The following TRERF1 variants were observed in gnomAD, a reference collection of about 807,000 sequenced individuals.
TRERF1 encodes transcriptional regulating factor 1.
TRERF1 carries 27 observed loss-of-function variants against 122.9 expected under a neutral mutation model. The ratio of observed to expected loss-of-function variants is 0.22; its 90% CI spans 0.16 to 0.30. TRERF1 has a LOEUF of 0.30. Among genes scored for constraint, TRERF1 ranks in the 10% least tolerant of loss-of-function variants. The pLI, the probability that TRERF1 is intolerant of heterozygous loss-of-function variation, is 1.00. For synonymous variants in TRERF1, 636 were observed against 641.7 expected (o/e 0.99, Z 0.13); for missense variants, 1,248 against 1,560.3 (o/e 0.80, Z 3.37).
intron 2 of TRERF1, among the ~76,000 whole-genome samples, chr6:42,435,464 T>A (rs1374205449): frequency 1.3e-5 from 2 of 151,954 alleles, no homozygotes; most frequent in Non-Finnish European, 2.9e-5. Flanking sequence ...GGCAGGAGGA[T>A]TGCTTGAGCC....
At chr6:42,329,847 G>A (rs1252649445) in intron 3 of TRERF1, among the ~76,000 whole-genome samples, 13 of 151,924 alleles carry the variant, frequency 8.6e-5, no homozygotes, top group South Asian at 6.2e-4. Context: ...AAAATTAGCC[G>A]GGCGTGGTGG....
intron 3 of TRERF1, among the ~76,000 whole-genome samples, chr6:42,353,021 G>C (rs954491120): frequency 2.0e-5 from 3 of 152,188 alleles, no homozygotes; most frequent in Non-Finnish European, 4.4e-5. Context: ...GCTTTCCCAG[G>C]CAGGGTGCAG....
At chr6:42,257,296 G>A (rs1008422018) in intron 10 of TRERF1, among the ~76,000 whole-genome samples, 194 bp from the exon 11 acceptor site, 1 of 152,196 alleles carries the variant, frequency 6.6e-6, no homozygotes, top group Non-Finnish European at 1.5e-5. Context: ...TAAGATTAGG[G>A]AGAAATATTT....
chr6:42,232,617 C>T lies in TRERF1; in HGVS notation c.3278+64G>A, dbSNP rs1170671499. The T allele has an allele frequency of 6.7e-7, 1 of 1,486,160 alleles. No homozygotes were observed. The highest frequency in any genetic ancestry group is 9.0e-7 in the Non-Finnish European group (1 of 1,114,400). 92.1% of individuals were successfully genotyped at this position (1,486,160 alleles called of 1,614,324 possible). ...TGAAGAAACCTCAGGCCATCCTGGC[C>T]CAGCTCCCATAGAGCGACTACCCAT... On this transcript the variant is annotated intron_variant, in intron 17 of 17. Transcript: ENST00000372922. This position sits in a 1 kb window ranked among gnomAD's most constrained non-coding sequence, Gnocchi z 4.5.
At chr6:42,309,092 G>T (rs929085032) in intron 3 of TRERF1, among the ~76,000 whole-genome samples, 1 of 152,150 alleles carries the variant, frequency 6.6e-6, no homozygotes, top group Non-Finnish European at 1.5e-5. Context: ...GCTGGGCCCA[G>T]GGACCTATTT....
Position 42,277,867 on chromosome 6 carries a change from GGAA to G in TRERF1, c.-258-8022_-258-8020del, listed in dbSNP as rs200834268. The stretch of plus-strand genomic sequence containing the variant: ...AATAAGAAGAAGAAAGAAGGAAGAA[GGAA>G]GAAGAAGGAAGAAGGAAGAAGGAAG... On this transcript the variant is annotated intron_variant, in intron 4 of 17. Coordinates refer to ENST00000372922, the Ensembl canonical transcript of TRERF1. Among the ~76,000 whole-genome samples, 48 of 135,798 alleles carry G rather than the reference GGAA, an allele frequency of 3.5e-4. 2 individuals are homozygous for G. The highest frequency in any genetic ancestry group is 6.4e-4 in the African/African-American group (22 of 34,252). The allele number at this position is 135,798 out of a possible 152,430, so 89.1% of individuals were successfully genotyped here. A position where few individuals can be genotyped will look rare whatever the true frequency, so the allele number is the denominator to read the frequency against.
chr6:42,399,321 CA>C, intron 2 of TRERF1, among the ~76,000 whole-genome samples: 1 of 152,132 alleles, frequency 6.6e-6, no homozygotes, highest in Non-Finnish European at 1.5e-5. Flanking sequence ...CCTTTACAGA[CA>C]AAAACATACT....
intron 2 of TRERF1, among the ~76,000 whole-genome samples, chr6:42,392,856 C>T (rs1011597391): frequency 3.3e-5 from 5 of 151,960 alleles, no homozygotes; most frequent in African/African-American, 1.2e-4. Flanking sequence ...CAAATGAGTA[C>T]ACTGGAGATG....
chr6:42,436,814 A>AATATATATATATATAT (rs56057543), intron 2 of TRERF1, among the ~76,000 whole-genome samples: 6 of 66,684 alleles, frequency 9.0e-5, no homozygotes, highest in Non-Finnish European at 1.6e-4. Context: ...AAAAAAAAAA[A>AATATATATATATATAT]ATATATATAT....
intron 2 of TRERF1, among the ~76,000 whole-genome samples, chr6:42,415,244 C>G (rs1781670641): frequency 6.6e-6 from 1 of 151,920 alleles, no homozygotes; most frequent in Non-Finnish European, 1.5e-5. Flanking sequence ...AATTAATGAC[C>G]CTTTTTATTT....
In TRERF1 at chr6:42,269,612, C is replaced by T. The variant is rs746596050; in HGVS notation, c.-22G>A. ...CCATGCTGTCTGCCTTGGTTGTGAACGTCCAGCCACAAAACCATAAAAAAG... is the reference window on the plus strand; with the variant it reads ...CCATGCTGTCTGCCTTGGTTGTGAATGTCCAGCCACAAAACCATAAAAAAG... On this transcript the variant is annotated 5_prime_UTR_variant, in exon 5 of 18. Transcript: ENST00000372922. The surrounding 1 kb of genome is among the most constrained non-coding windows in gnomAD (Gnocchi z 4.9). 14 of 1,603,666 alleles carry T rather than the reference C, an allele frequency of 8.7e-6. No homozygotes were observed. Among genetic ancestry groups the T allele is most frequent in the South Asian group, 3.3e-5 (3 of 90,360 alleles).
chr6:42,315,973 T>TA (rs937865544), intron 3 of TRERF1, among the ~76,000 whole-genome samples: 7 of 152,068 alleles, frequency 4.6e-5, no homozygotes, highest in African/African-American at 1.7e-4. Flanking sequence ...AAGGGAGGCC[T>TA]AAAAAATAAG....
At chr6:42,357,189 C>T (rs563313101) in intron 3 of TRERF1, among the ~76,000 whole-genome samples, 1 of 151,790 alleles carries the variant, frequency 6.6e-6, no homozygotes. Context: ...ATTAGCCAGG[C>T]ATGGTGGTGC....
At chr6:42,249,256 T>C (rs552506602) in intron 13 of TRERF1, among the ~76,000 whole-genome samples, 8 of 152,232 alleles carry the variant, frequency 5.3e-5, no homozygotes, top group African/African-American at 1.9e-4. Context: ...AGACCATCAG[T>C]TTCCTAAGTT....
chr6:42,436,814 AATATATATATATATATATAT>A (rs56057543), intron 2 of TRERF1, among the ~76,000 whole-genome samples: 6 of 66,688 alleles, frequency 9.0e-5, no homozygotes, highest in South Asian at 9.0e-4. Context: ...AAAAAAAAAA[AATATATATATATATATATAT>A]ATATATATAT....
intron 2 of TRERF1, among the ~76,000 whole-genome samples, chr6:42,424,956 TA>T (rs1383281156): frequency 2.6e-5 from 4 of 152,232 alleles, no homozygotes; most frequent in Non-Finnish European, 4.4e-5. Context: ...TCTGTTGAAT[TA>T]ATGAATGCAC....
At chr6:42,305,287 G>A (rs1786992719) in intron 3 of TRERF1, among the ~76,000 whole-genome samples, 1 of 152,134 alleles carries the variant, frequency 6.6e-6, no homozygotes, top group Non-Finnish European at 1.5e-5. Flanking sequence ...AGGCAGCCCT[G>A]GAGGGTTGTG....
intron 3 of TRERF1, among the ~76,000 whole-genome samples, chr6:42,361,426 G>T (rs994778406): frequency 1.3e-5 from 2 of 148,856 alleles, no homozygotes; most frequent in African/African-American, 4.9e-5. Flanking sequence ...TGTTTTTTGG[G>T]TTTTTTTGTT....
chr6:42,309,607 C>T (rs974987950), intron 3 of TRERF1, among the ~76,000 whole-genome samples: 25 of 152,282 alleles, frequency 1.6e-4, no homozygotes, highest in Middle Eastern at 6.8e-3. Context: ...TCAGTCCTCA[C>T]CTCAAGTTTG....
Sources: allele counts gnomAD v4.1 joint callset (sites outside exome capture counted in the v4.1 genomes callset), GRCh38; gene constraint gnomAD v4.1.1; non-coding constraint Gnocchi (gnomAD v3.1); transcripts MANE v1.5; gene names NCBI Gene and HGNC (gene_info 2026-07-23, HGNC 2026-07-21).